Variants in CABS1 observed in about 807,000 individuals in gnomAD.
The protein encoded by CABS1 is calcium binding protein, spermatid associated 1.
For synonymous variants in CABS1, 195 were observed against 169.0 expected, an observed-to-expected ratio of 1.15 and a Z score of -1.19; for missense variants, 500 against 464.3, an observed-to-expected ratio of 1.08 and a Z score of -0.71.
At chr4:70,336,534 A>C (rs186207860) in intron 1 of CABS1, among the ~76,000 whole-genome samples, 188 bp downstream of exon 1, 2 of 152,128 alleles carry the variant, frequency 1.3e-5, no homozygotes, top group Admixed American at 1.3e-4. Flanking sequence ...AGAGCAATGT[A>C]GGGGCTCATT....
In CABS1 at chr4:70,336,364, T is replaced by C. The variant is rs1023199411; in HGVS notation, c.*119+18T>C. 4.1e-6 allele frequency: 5 copies of C among 1,220,342 alleles called. No individual in the cohort carries two copies. In the African/African-American group the frequency reaches 7.7e-5, roughly 19 times the overall value. 75.6% of individuals were successfully genotyped at this position (1,220,342 alleles called of 1,614,324 possible). Reference sequence around the variant, plus strand: ...CATTTAAGGCAAGTATTCGACTCAATAAATGCAGATGCTTAGGACTACAGG... The same window carrying C: ...CATTTAAGGCAAGTATTCGACTCAACAAATGCAGATGCTTAGGACTACAGG... On this transcript the variant is annotated intron_variant, in intron 1 of 1. Coordinates refer to ENST00000273936, the MANE Select transcript of CABS1 (RefSeq NM_033122.4).
rs775916305 is a variant in CABS1, at chr4:70,336,019, C to A, written c.980C>A (p.Ala327Glu). 28 of 1,613,340 alleles carry A rather than the reference C, an allele frequency of 1.7e-5. No individual in the cohort carries two copies. In the East Asian group the frequency reaches 6.2e-4, roughly 36 times the overall value. The change falls in exon 1 of 2, where the codon GCA becomes GAA. Residue 327 changes from alanine (A) to glutamate (E), a missense_variant. Physicochemically the swap from Ala to Glu is moderately radical, Grantham distance 107 (BLOSUM62 -1). Coordinates refer to ENST00000273936, the MANE Select transcript of CABS1 (RefSeq NM_033122.4). ...TCCAGATATGACTTCGTTGTCCCTG[C>A]ATCAATAGCTACAAACCTAGTGGAA... Reference protein sequence around the residue: ...VESRYDFVVPASIATNLVEES... With the variant: ...VESRYDFVVPESIATNLVEES...
intron 1 of CABS1, 67 bp downstream of exon 1, chr4:70,336,413 T>G: frequency 1.2e-6 from 1 of 800,412 alleles, no homozygotes; most frequent in Non-Finnish European, 1.8e-6. Context: ...TTACGGAAAC[T>G]TAGAAAAAAA....
At chr4:70,336,538 G>A (rs1731733846) in intron 1 of CABS1, among the ~76,000 whole-genome samples, 192 bp downstream of exon 1, 1 of 151,862 alleles carries the variant, frequency 6.6e-6, no homozygotes, top group African/African-American at 2.4e-5. Context: ...CAATGTAGGG[G>A]CTCATTTCTA....
Position 70,335,404 on chromosome 4 carries a change from A to G in CABS1, c.365A>G (p.Asn122Ser), listed in dbSNP as rs1230306435. The G allele has an allele frequency of 6.2e-7, 1 of 1,613,768 alleles. No homozygotes were observed. Among genetic ancestry groups the G allele is most frequent in the South Asian group, 1.1e-5 (1 of 91,068 alleles). ...CATTTCATGCCAGTGAAAATTGGGA[A>G]TATTTCATCACCAGTTACTACTGTT... ...TEHFMPVKIG[N>S]ISSPVTTVSL... The change falls in exon 1 of 2, where the codon AAT (asparagine) becomes AGT (serine). Residue 122 changes from asparagine (N) to serine (S), a missense_variant. Physicochemically the swap from Asn to Ser is conservative, Grantham distance 46. Transcript: ENST00000273936.
Position 70,336,296 on chromosome 4 carries a change from T to G in CABS1, c.*69T>G. Reference sequence around the variant, plus strand: ...CCAGCTAGCCTTAACATCTAAGAAATTTTTCCAACAAGCAAAAACCTTTAG... The same window carrying G: ...CCAGCTAGCCTTAACATCTAAGAAAGTTTTCCAACAAGCAAAAACCTTTAG... On this transcript the variant is annotated 3_prime_UTR_variant, in exon 1 of 2. Transcript: ENST00000273936. 6.7e-7 allele frequency: 1 copy of G among 1,492,936 alleles called. No homozygotes were observed. Among genetic ancestry groups the G allele is most frequent in the South Asian group, 1.5e-5 (1 of 68,458 alleles). The allele number at this position is 1,492,936 out of a possible 1,614,324, so 92.5% of individuals were successfully genotyped here. A position where few individuals can be genotyped will look rare whatever the true frequency, so the allele number is the denominator to read the frequency against.
At chr4:70,336,769 A>C (rs1326866570) in intron 1 of CABS1, among the ~76,000 whole-genome samples, 197 bp from the exon 2 acceptor site, 2 of 151,946 alleles carry the variant, frequency 1.3e-5, no homozygotes, top group Admixed American at 1.3e-4. Context: ...AAGACAATTC[A>C]GTAATTGTTT....
rs1239522285 is a variant in CABS1 at position 70,335,559 on chromosome 4, G to C, written c.520G>C (p.Ala174Pro). 6.2e-7 allele frequency: 1 copy of C among 1,613,658 alleles called. No homozygotes were observed. The highest frequency in any genetic ancestry group is 1.7e-5 in the Admixed American group (1 of 59,926). The change falls in exon 1 of 2, where the codon GCT becomes CCT. Residue 174 changes from alanine to proline, a missense_variant. By Grantham distance (27) the Ala-to-Pro change is conservative. Coordinates refer to ENST00000273936, the MANE Select transcript of CABS1 (RefSeq NM_033122.4). Reference sequence around the variant, plus strand: ...ACTAAAGGACAGCAGTGCTGGTGTTGCTGACGCTCCTGCCTTTCCACGTAA... The same window carrying C: ...ACTAAAGGACAGCAGTGCTGGTGTTCCTGACGCTCCTGCCTTTCCACGTAA... Reference protein sequence around the residue: ...GTLKDSSAGVADAPAFPRKKD... With the variant: ...GTLKDSSAGVPDAPAFPRKKD...
chr4:70,335,100 C>G lies in CABS1; in HGVS notation c.61C>G (p.Pro21Ala). The change falls in exon 1 of 2, where the codon CCA becomes GCA. Residue 21 changes from proline to alanine, a missense_variant. By Grantham distance (27) the Pro-to-Ala change is conservative. Transcript: ENST00000273936. ...TCCTCCAACAGAAAGCAGTAAAACA[C>G]CAACTGCAGCAACCATTTTCTTTGG... Reference protein sequence around the residue: ...SHPPTESSKTPTAATIFFGAD... With the variant: ...SHPPTESSKTATAATIFFGAD... 1.9e-6 allele frequency: 3 copies of G among 1,613,610 alleles called. No individual in the cohort carries two copies. The highest frequency in any genetic ancestry group is 2.5e-6 in the Non-Finnish European group (3 of 1,179,768).
At position 70,336,146 on chromosome 4, in the gene CABS1, A is replaced by G. The variant is rs1305015172; in HGVS notation, c.1107A>G (p.Pro369=). The stretch of plus-strand genomic sequence containing the variant: ...GAACTACCTCTGTATTAGATACCCC[A>G]GACTATAAGGAAGACACCTCCACAA... ...FSGTTSVLDT[P]DYKEDTSTTE... The change falls in exon 1 of 2, where the codon CCA becomes CCG. Residue 369 remains proline, a synonymous_variant. Coordinates refer to ENST00000273936, the MANE Select transcript of CABS1 (RefSeq NM_033122.4). 3 of 1,613,144 alleles carry G rather than the reference A, an allele frequency of 1.9e-6. No homozygotes were observed. Among genetic ancestry groups the G allele is most frequent in the South Asian group, 2.2e-5 (2 of 91,072 alleles).
rs750629728 is a variant in CABS1, at chr4:70,335,811, A to G, written c.772A>G (p.Thr258Ala). 2.1e-5 allele frequency: 34 copies of G among 1,613,580 alleles called. No homozygotes were observed. Among genetic ancestry groups the G allele is most frequent in the Non-Finnish European group, 2.9e-5 (34 of 1,179,732 alleles). The change falls in exon 1 of 2, where the codon ACT (threonine) becomes GCT (alanine). Residue 258 changes from threonine to alanine, a missense_variant. Transcript: ENST00000273936. The stretch of plus-strand genomic sequence containing the variant: ...TGACACCAGTGCTGTGGCTACATTA[A>G]CTGACTCTGATGAGAAGTTTATCAC... The part of the protein sequence containing the change: ...EDDTSAVATL[T>A]DSDEKFITVF...
Position 70,336,132 on chromosome 4 carries a change from G to C in CABS1, c.1093G>C (p.Val365Leu), listed in dbSNP as rs186468035. 2.9e-5 allele frequency: 47 copies of C among 1,613,172 alleles called. No homozygotes were observed. The Admixed American group carries it at 3.3e-4, about 11-fold the overall frequency. ...TGAGCCATTTTCTGGAACTACCTCT[G>C]TATTAGATACCCCAGACTATAAGGA... is the stretch of plus-strand genomic sequence containing the variant. The part of the protein sequence containing the change: ...ITEPFSGTTS[V>L]LDTPDYKEDT... The change falls in exon 1 of 2, where the codon GTA becomes CTA. Residue 365 changes from valine to leucine, a missense_variant. Physicochemically the swap from Val to Leu is conservative, Grantham distance 32 (BLOSUM62 1). Coordinates refer to ENST00000273936, the MANE Select transcript of CABS1 (RefSeq NM_033122.4).
In CABS1 at chr4:70,335,009, C is replaced by T; in HGVS notation, c.-31C>T. On this transcript the variant is annotated 5_prime_UTR_variant, in exon 1 of 2. Coordinates refer to ENST00000273936, the MANE Select transcript of CABS1 (RefSeq NM_033122.4). ...GATACCACTGAGTCCAGAAGCAAGA[C>T]CTGTGAGAGTGCACAGTGCCACTTC... The T allele has an allele frequency of 2.5e-6, 4 of 1,589,616 alleles. No individual in the cohort carries two copies. The highest frequency in any genetic ancestry group is 3.4e-6 in the Non-Finnish European group (4 of 1,168,024).
At position 70,336,147 on chromosome 4, in the gene CABS1, G is replaced by C. The variant is rs1232932662; in HGVS notation, c.1108G>C (p.Asp370His). The C allele has an allele frequency of 1.9e-6, 3 of 1,612,996 alleles. No homozygotes were observed. The East Asian group carries it at 6.7e-5, about 36-fold the overall frequency. Residue 370 changes from aspartate to histidine, a missense_variant, in exon 1 of 2, where the codon GAC (aspartate) becomes CAC (histidine). Asp to His is a moderately conservative substitution (Grantham distance 81, BLOSUM62 -1). Transcript: ENST00000273936. ...SGTTSVLDTP[D>H]YKEDTSTTET... is the part of the protein sequence containing the mutation. ...AACTACCTCTGTATTAGATACCCCA[G>C]ACTATAAGGAAGACACCTCCACAAC...
chr4:70,335,356 TA>T lies in CABS1; in HGVS notation c.319del (p.Thr107GlnfsTer12), dbSNP rs1488183068. On this transcript the variant is annotated frameshift_variant, in exon 1 of 2. Transcript: ENST00000273936. LOFTEE classifies it low-confidence loss of function (END_TRUNC). ...TCTCTGACTGGCACTACAAACTCCA[TA>T]ACAAGAGACTCTATTACCGAACATT... Reference protein sequence around the residue: ...ITSLTGTTNSITRDSITEHFM... With the variant: ...ITSLTGTTNSXTRDSITEHFM... 7 of 1,613,696 alleles carry T rather than the reference TA, an allele frequency of 4.3e-6. No individual in the cohort carries two copies. The Admixed American group carries it at 1.0e-4, about 23-fold the overall frequency.
rs1359964678 is a variant in CABS1 at position 70,335,145 on chromosome 4, A to C, written c.106A>C (p.Lys36Gln). The part of the protein sequence containing the change: ...IFFGADNAIP[K>Q]SETTITSEGD... ...CTTTGGGGCTGACAATGCTATTCCC[A>C]AATCAGAAACAACTATTACTTCAGA... Residue 36 changes from lysine to glutamine, a missense_variant, in exon 1 of 2, where the codon AAA (lysine) becomes CAA (glutamine). Physicochemically the swap from Lys to Gln is moderately conservative, Grantham distance 53. Coordinates refer to ENST00000273936, the MANE Select transcript of CABS1 (RefSeq NM_033122.4). 1 of 1,613,844 alleles carries C rather than the reference A, an allele frequency of 6.2e-7. No homozygotes were observed. Among genetic ancestry groups the C allele is most frequent in the East Asian group, 2.2e-5 (1 of 44,864 alleles).
At chr4:70,336,416 G>A in intron 1 of CABS1, 70 bp downstream of exon 1, 8 of 689,644 alleles carry the variant, frequency 1.2e-5, no homozygotes, top group East Asian at 3.8e-5. Context: ...CGGAAACTTA[G>A]AAAAAAAAAC....
At position 70,335,801 on chromosome 4, in the gene CABS1, G is replaced by A; in HGVS notation, c.762G>A (p.Val254=). Reference sequence around the variant, plus strand: ...TTTTAGAAGATGACACCAGTGCTGTGGCTACATTAACTGACTCTGATGAGA... The same window carrying A: ...TTTTAGAAGATGACACCAGTGCTGTAGCTACATTAACTGACTCTGATGAGA... ...LSVLEDDTSA[V]ATLTDSDEKF... is the part of the protein sequence containing the mutation. Residue 254 remains valine (V), a synonymous_variant, in exon 1 of 2, where the codon GTG becomes GTA. Transcript: ENST00000273936. 6.2e-7 allele frequency: 1 copy of A among 1,613,516 alleles called. No homozygotes were observed. Among genetic ancestry groups the A allele is most frequent in the South Asian group, 1.1e-5 (1 of 91,052 alleles).
chr4:70,336,437 G>A, intron 1 of CABS1, 91 bp downstream of exon 1: 1 of 563,446 alleles, frequency 1.8e-6, no homozygotes, highest in South Asian at 3.9e-5. Context: ...CGCAGTGTAA[G>A]GGTCCCCCTA....
Sources: allele counts gnomAD v4.1 joint callset (sites outside exome capture counted in the v4.1 genomes callset), GRCh38; gene constraint gnomAD v4.1.1; transcripts MANE v1.5; gene names NCBI Gene and HGNC (gene_info 2026-07-23, HGNC 2026-07-21).